Variants in ATP9B observed in about 807,000 individuals in gnomAD.
ATP9B encodes probable phospholipid-transporting ATPase IIB.
ATP9B carries 110 observed loss-of-function variants against 146.1 expected under a neutral mutation model. The ratio of observed to expected loss-of-function variants is 0.75; its 90% CI spans 0.65 to 0.88. The LOEUF is 0.88. ATP9B is among the 40% of genes least tolerant of loss of function. The probability of loss-of-function intolerance (pLI) is 0.00; values close to 1 mark genes in which losing one functional copy is unlikely to be tolerated. For missense variants in ATP9B, 1,499 were observed against 1,496.4 expected (o/e 1.00, Z -0.03); for synonymous variants, 604 against 569.7 (o/e 1.06, Z -0.86).
At chr18:79,322,603 C>A (rs1482294549) in intron 15 of ATP9B, among the ~76,000 whole-genome samples, 4 of 152,194 alleles carry the variant, frequency 2.6e-5, no homozygotes, top group Non-Finnish European at 5.9e-5. Context: ...AAATTACAAG[C>A]AAAGAATTTC....
At chr18:79,283,277 C>T (rs976227997) in intron 13 of ATP9B, among the ~76,000 whole-genome samples, 1 of 152,162 alleles carries the variant, frequency 6.6e-6, no homozygotes, top group African/African-American at 2.4e-5. Context: ...CGTCCTGGTT[C>T]TCCGTATCAG....
chr18:79,107,962 A>T (rs2075764789), intron 2 of ATP9B, among the ~76,000 whole-genome samples: 1 of 152,228 alleles, frequency 6.6e-6, no homozygotes. Context: ...GTTCGGCATC[A>T]GTATAGTGTA....
In ATP9B at chr18:79,347,832, GCTGCT is replaced by G; in HGVS notation, c.2747_2751del (p.Leu916HisfsTer121). ...TCACGCAGTTCCGGCACATAGGCAG[GCTGCT>G]CATGGTGCACGGGCGGAACAGCTAC... On this transcript the variant is annotated frameshift_variant, in exon 24 of 30. Coordinates refer to ENST00000426216, the MANE Select transcript of ATP9B (RefSeq NM_198531.5). LOFTEE classifies it high-confidence loss of function. The G allele has an allele frequency of 6.2e-7, 1 of 1,613,488 alleles. No homozygotes were observed.
At position 79,275,584 on chromosome 18, in the gene ATP9B, C is replaced by A. The variant is rs1490219491; in HGVS notation, c.1269-1470C>A. On this transcript the variant is annotated intron_variant, in intron 12 of 29. Transcript: ENST00000426216. ...TCTTCAGCACAGCTGATAAAGGTTT[C>A]GTCTCTAGCCCATTTGTTAGGAGGC... is the stretch of plus-strand genomic sequence containing the variant. 3.3e-5 allele frequency among the ~76,000 whole-genome samples: 5 copies of A among 152,222 alleles called. 1 individual carries two copies. Among genetic ancestry groups the A allele is most frequent in the Admixed American group, 2.6e-4 (4 of 15,280 alleles).
At chr18:79,252,947 A>T (rs1014217647) in intron 11 of ATP9B, among the ~76,000 whole-genome samples, 2 of 152,208 alleles carry the variant, frequency 1.3e-5, no homozygotes, top group African/African-American at 4.8e-5. Context: ...CGGATAACAG[A>T]GGCATGGTCA....
chr18:79,323,824 G>T (rs571501947), intron 15 of ATP9B, among the ~76,000 whole-genome samples: 1 of 152,156 alleles, frequency 6.6e-6, no homozygotes, highest in Non-Finnish European at 1.5e-5. Context: ...ATATTCCCAG[G>T]CGTGGGATTG....
intron 11 of ATP9B, among the ~76,000 whole-genome samples, 170 bp from the exon 12 acceptor site, chr18:79,253,211 A>G (rs978655562): frequency 2.6e-5 from 4 of 152,314 alleles, no homozygotes; most frequent in Admixed American, 2.0e-4. Context: ...TCTGGGGATC[A>G]TGATTCATTT....
chr18:79,242,838 A>G (rs951688790), intron 11 of ATP9B, among the ~76,000 whole-genome samples: 1 of 152,226 alleles, frequency 6.6e-6, no homozygotes, highest in Non-Finnish European at 1.5e-5. Flanking sequence ...GTTTAAAATA[A>G]TGTTGCATTT....
At chr18:79,189,566 G>C (rs550585843) in intron 8 of ATP9B, among the ~76,000 whole-genome samples, 3 of 152,296 alleles carry the variant, frequency 2.0e-5, no homozygotes, top group Non-Finnish European at 2.9e-5. Context: ...CACATATTTT[G>C]GATGTCATAT....
At chr18:79,138,235 C>T (rs1305753176) in intron 5 of ATP9B, among the ~76,000 whole-genome samples, 1 of 152,092 alleles carries the variant, frequency 6.6e-6, no homozygotes, top group Admixed American at 6.5e-5. Flanking sequence ...TTTTGTTCAA[C>T]TCAGTTTATT....
intron 1 of ATP9B, chr18:79,085,587 G>A (rs371121228): frequency 1.3e-5 from 2 of 152,140 alleles, no homozygotes; most frequent in Admixed American, 6.5e-5. Context: ...GTGAAAATAA[G>A]GTATTTGTTA....
At chr18:79,169,093 T>G (rs1158114840) in intron 7 of ATP9B, among the ~76,000 whole-genome samples, 1 of 152,074 alleles carries the variant, frequency 6.6e-6, no homozygotes, top group Non-Finnish European at 1.5e-5. Context: ...CAGGCTGTTG[T>G]TGGTCATCTA....
intron 20 of ATP9B, 137 bp from the exon 21 acceptor site, chr18:79,344,128 C>T: frequency 1.3e-6 from 1 of 799,842 alleles, no homozygotes. Context: ...CTTCCGGGTC[C>T]AAATACTAAA....
intron 7 of ATP9B, among the ~76,000 whole-genome samples, chr18:79,174,476 C>CA (rs2147915807): frequency 6.6e-6 from 1 of 152,342 alleles, no homozygotes; most frequent in Non-Finnish European, 1.5e-5. Context: ...TTGTCTCACA[C>CA]ACTTCTTACA....
chr18:79,082,766 C>T (rs2073403522), intron 1 of ATP9B, among the ~76,000 whole-genome samples: 2 of 152,268 alleles, frequency 1.3e-5, no homozygotes, highest in South Asian at 4.1e-4. Context: ...CTGCCTGTTT[C>T]TTCCTCTGGA....
chr18:79,096,403 T>C (rs1315397576), intron 1 of ATP9B, 73 bp from the exon 2 acceptor site: 2 of 1,356,832 alleles, frequency 1.5e-6, no homozygotes, highest in East Asian at 4.7e-5. Flanking sequence ...TGAGGAAATA[T>C]TGTCCCTAAA....
intron 11 of ATP9B, among the ~76,000 whole-genome samples, chr18:79,238,429 C>T (rs900220460): frequency 6.6e-6 from 1 of 152,234 alleles, no homozygotes; most frequent in Non-Finnish European, 1.5e-5. Flanking sequence ...TGCAGGGCCC[C>T]TGCCTGGGAG....
chr18:79,157,413 A>AACAAACAAAC lies in ATP9B; in HGVS notation c.778+2859_778+2860insCAAACAAACA, dbSNP rs2094808971. Among the ~76,000 whole-genome samples, 3 of 150,146 alleles carry AACAAACAAAC rather than the reference A, an allele frequency of 2.0e-5. No homozygotes were observed. In the South Asian group the frequency reaches 6.3e-4, roughly 31 times the overall value. On this transcript the variant is annotated intron_variant, in intron 7 of 29. Coordinates refer to ENST00000426216, the MANE Select transcript of ATP9B (RefSeq NM_198531.5). The stretch of plus-strand genomic sequence containing the variant: ...CTCCATCTCAAAAAAAAAAAAAAAA[A>AACAAACAAAC]AAAAAAAAAAACATGTATTGACTTA...
chr18:79,138,938 C>T (rs965203489), intron 5 of ATP9B, among the ~76,000 whole-genome samples: 4 of 152,174 alleles, frequency 2.6e-5, no homozygotes, highest in African/African-American at 4.8e-5. Context: ...TGTGGTGGTG[C>T]GTACTTGTAG....
Sources: allele counts gnomAD v4.1 joint callset (sites outside exome capture counted in the v4.1 genomes callset), GRCh38; gene constraint gnomAD v4.1.1; transcripts MANE v1.5; gene names NCBI Gene and HGNC (gene_info 2026-07-23, HGNC 2026-07-21).